Variants in PARD3B observed in about 807,000 individuals in gnomAD.
The protein encoded by PARD3B is par-3 family cell polarity regulator beta.
In PARD3B, 103 loss-of-function variants were observed where a neutral mutation model predicts 130.2. The ratio of observed to expected loss-of-function variants is 0.79; its 90% CI spans 0.67 to 0.93. The LOEUF is 0.93. Among genes scored for constraint, PARD3B ranks in the 40% least tolerant of loss-of-function variants. The pLI is 0.00. For missense variants in PARD3B, 1,609 were observed against 1,499.2 expected, an observed-to-expected ratio of 1.07 and a Z score of -1.21; for synonymous variants, 583 against 553.2, an observed-to-expected ratio of 1.05 and a Z score of -0.76.
intron 2 of PARD3B, among the ~76,000 whole-genome samples, chr2:204,845,863 T>G (rs2044443007): frequency 6.6e-6 from 1 of 152,140 alleles, no homozygotes; most frequent in Admixed American, 6.6e-5. Flanking sequence ...TTTCAAGATT[T>G]TATTGTCCTT....
chr2:204,662,115 T>C (rs916234897), intron 1 of PARD3B, among the ~76,000 whole-genome samples: 4 of 152,240 alleles, frequency 2.6e-5, no homozygotes, highest in Admixed American at 6.5e-5. Flanking sequence ...GGAACTGTTA[T>C]CCACACGTGA....
chr2:205,461,195 T>C lies in PARD3B; in HGVS notation c.3044+20523T>C, dbSNP rs541743947. On this transcript the variant is annotated intron_variant, in intron 20 of 22. Coordinates refer to ENST00000406610, the MANE Select transcript of PARD3B (RefSeq NM_001302769.2). The surrounding 1 kb of genome is among the most constrained non-coding windows in gnomAD (Gnocchi z 4.3). ...AAGAAGTCACTGAGAAAGCGACATTTAAGTCGAGACTCAAAGAGTGAGTAG... is the reference window on the plus strand; with the variant it reads ...AAGAAGTCACTGAGAAAGCGACATTCAAGTCGAGACTCAAAGAGTGAGTAG... 6.6e-6 allele frequency among the ~76,000 whole-genome samples: 1 copy of C among 152,242 alleles called. No individual in the cohort carries two copies. The highest frequency in any genetic ancestry group is 2.1e-4 in the South Asian group (1 of 4,826).
intron 2 of PARD3B, among the ~76,000 whole-genome samples, chr2:204,883,394 GTATA>G (rs1169715158): frequency 1.0e-5 from 1 of 98,756 alleles, no homozygotes; most frequent in Non-Finnish European, 2.2e-5. Context: ...TTATGTGTAT[GTATA>G]TATATATTAT....
At chr2:204,998,847 G>C (rs1269754196) in intron 3 of PARD3B, among the ~76,000 whole-genome samples, 1 of 152,080 alleles carries the variant, frequency 6.6e-6, no homozygotes, top group Non-Finnish European at 1.5e-5. Context: ...CCGAGTAGCT[G>C]GGGTTACAGG....
intron 19 of PARD3B, among the ~76,000 whole-genome samples, chr2:205,413,824 T>C (rs1290706351): frequency 2.0e-5 from 3 of 152,166 alleles, no homozygotes; most frequent in Non-Finnish European, 4.4e-5. Context: ...CTGTTGTTTG[T>C]TGTTGTTTTC....
intron 4 of PARD3B, among the ~76,000 whole-genome samples, chr2:205,088,373 A>G (rs1258310079): frequency 6.6e-6 from 1 of 152,224 alleles, no homozygotes; most frequent in African/African-American, 2.4e-5. Context: ...TATTCAATCC[A>G]AGTGGACAGA....
intron 18 of PARD3B, among the ~76,000 whole-genome samples, chr2:205,331,466 C>T (rs1574721281): frequency 6.6e-6 from 1 of 152,174 alleles, no homozygotes; most frequent in African/African-American, 2.4e-5. Flanking sequence ...GCCCTTTCCA[C>T]CCATCTTTTC....
intron 3 of PARD3B, among the ~76,000 whole-genome samples, chr2:204,987,089 A>G (rs375068740): frequency 1.3e-5 from 2 of 152,216 alleles, no homozygotes; most frequent in South Asian, 2.1e-4. Context: ...ATGTACTATA[A>G]GAGTTAACAC....
intron 2 of PARD3B, among the ~76,000 whole-genome samples, chr2:204,773,022 G>A (rs1017419771): frequency 6.6e-6 from 1 of 151,990 alleles, no homozygotes; most frequent in African/African-American, 2.4e-5. Context: ...TCAATGTTAA[G>A]ATAATTTCCC....
At chr2:204,580,478 CAT>C (rs2032496908) in intron 1 of PARD3B, among the ~76,000 whole-genome samples, 2 of 152,154 alleles carry the variant, frequency 1.3e-5, no homozygotes, top group African/African-American at 4.8e-5. Flanking sequence ...ATTTTTCTGT[CAT>C]CTGACCCTAG....
chr2:205,604,879 A>G (rs916811095), intron 22 of PARD3B, among the ~76,000 whole-genome samples: 3 of 152,184 alleles, frequency 2.0e-5, no homozygotes, highest in Non-Finnish European at 4.4e-5. Context: ...ACATAATCCC[A>G]TAGTTCTCAG....
intron 20 of PARD3B, among the ~76,000 whole-genome samples, chr2:205,450,145 A>G (rs967297981): frequency 3.3e-5 from 5 of 152,202 alleles, no homozygotes. Context: ...AATAAATGTC[A>G]ACTATATTTA....
chr2:204,819,974 C>G (rs944417241), intron 2 of PARD3B, among the ~76,000 whole-genome samples: 1 of 151,626 alleles, frequency 6.6e-6, no homozygotes, highest in Non-Finnish European at 1.5e-5. Flanking sequence ...CATCACAGTC[C>G]AGGGTGAAAC....
intron 20 of PARD3B, among the ~76,000 whole-genome samples, chr2:205,441,964 A>G (rs1396264662): frequency 6.6e-6 from 1 of 152,210 alleles, no homozygotes; most frequent in South Asian, 2.1e-4. Context: ...GAATTGATTA[A>G]GAGTTGGATT....
At chr2:205,254,184 AC>A (rs2039975992) in intron 16 of PARD3B, among the ~76,000 whole-genome samples, 1 of 151,786 alleles carries the variant, frequency 6.6e-6, no homozygotes, top group Admixed American at 6.6e-5. Flanking sequence ...TTCATTTTAA[AC>A]ATCTTTGGAA....
At chr2:205,332,491 A>C (rs1236652059) in intron 18 of PARD3B, among the ~76,000 whole-genome samples, 1 of 152,192 alleles carries the variant, frequency 6.6e-6, no homozygotes. Context: ...CTCTGGAGAG[A>C]GGAAAGAGAA....
At chr2:205,520,573 C>T (rs1404884228) in intron 21 of PARD3B, among the ~76,000 whole-genome samples, 1 of 152,062 alleles carries the variant, frequency 6.6e-6, no homozygotes, top group Non-Finnish European at 1.5e-5. Context: ...TTAATACATG[C>T]TCTAAAATGC....
intron 20 of PARD3B, among the ~76,000 whole-genome samples, chr2:205,499,531 G>C (rs2050078713): frequency 6.6e-6 from 1 of 151,996 alleles, no homozygotes; most frequent in South Asian, 2.1e-4. Context: ...TCCCAAATTA[G>C]CAATACTTAT....
At chr2:205,007,857 A>C (rs189630269) in intron 3 of PARD3B, among the ~76,000 whole-genome samples, 2 of 152,066 alleles carry the variant, frequency 1.3e-5, no homozygotes, top group African/African-American at 4.8e-5. Context: ...AACGAAATCT[A>C]TGATTTTTTT....
Sources: allele counts gnomAD v4.1 joint callset (sites outside exome capture counted in the v4.1 genomes callset), GRCh38; gene constraint gnomAD v4.1.1; non-coding constraint Gnocchi (gnomAD v3.1); transcripts MANE v1.5; gene names NCBI Gene and HGNC (gene_info 2026-07-23, HGNC 2026-07-21).